The following RCSD1 variants were observed in gnomAD, a reference collection of about 807,000 sequenced individuals.
RCSD1 encodes capZ-interacting protein.
A neutral mutation model predicts 42.5 loss-of-function variants in RCSD1; 26 were observed. The observed-to-expected ratio is 0.61, with a 90% CI of 0.45 to 0.85. RCSD1 has a LOEUF of 0.85. RCSD1 is among the 40% of genes least tolerant of loss of function. RCSD1 has a pLI of 0.00. For missense variants in RCSD1, 571 were observed against 528.3 expected (o/e 1.08, Z -0.79); for synonymous variants, 220 against 212.2 (o/e 1.04, Z -0.32).
chr1:167,637,861 T>C (rs929819594), intron 1 of RCSD1, among the ~76,000 whole-genome samples: 24 of 152,234 alleles, frequency 1.6e-4, no homozygotes, highest in African/African-American at 5.5e-4. Flanking sequence ...TCAGCGTTTC[T>C]CCTGCTTGCC....
At chr1:167,689,128 C>T (rs1246269415) in intron 3 of RCSD1, among the ~76,000 whole-genome samples, 1 of 152,108 alleles carries the variant, frequency 6.6e-6, no homozygotes, top group Non-Finnish European at 1.5e-5. Context: ...GAATCATGCT[C>T]ATCTTTGTAT....
At chr1:167,693,769 G>T (rs1659432058) in intron 4 of RCSD1, among the ~76,000 whole-genome samples, 1 of 152,312 alleles carries the variant, frequency 6.6e-6, no homozygotes. Flanking sequence ...GTGAGATCCT[G>T]GTGCCACAGG....
chr1:167,653,188 A>T (rs751811852), intron 1 of RCSD1, among the ~76,000 whole-genome samples: 1 of 152,226 alleles, frequency 6.6e-6, no homozygotes, highest in African/African-American at 2.4e-5. Context: ...TGTCAATGTC[A>T]TGTGTCTTCC....
At chr1:167,691,058 C>T (rs999756134) in intron 4 of RCSD1, among the ~76,000 whole-genome samples, 10 of 152,176 alleles carry the variant, frequency 6.6e-5, no homozygotes, top group African/African-American at 2.2e-4. Context: ...GGTCACTGCC[C>T]GGCTCCTGCT....
intron 6 of RCSD1, among the ~76,000 whole-genome samples, chr1:167,698,492 A>G (rs1659554641): frequency 6.6e-6 from 1 of 152,198 alleles, no homozygotes; most frequent in African/African-American, 2.4e-5. Context: ...TCTGCTGCAC[A>G]TGAGGAGGAC....
At chr1:167,637,328 G>A (rs577784228) in intron 1 of RCSD1, among the ~76,000 whole-genome samples, 3 of 152,320 alleles carry the variant, frequency 2.0e-5, no homozygotes, top group African/African-American at 7.2e-5. Flanking sequence ...GTAAGTTGCA[G>A]TTCCTGCCCT....
chr1:167,704,661 C>T lies in RCSD1; in HGVS notation c.1219-3C>T. 1 of 1,612,522 alleles carries T rather than the reference C, an allele frequency of 6.2e-7. No homozygotes were observed. On this transcript the variant is annotated splice_polypyrimidine_tract_variant and splice_region_variant and intron_variant, in intron 6 of 6. Coordinates refer to ENST00000367854, the MANE Select transcript of RCSD1 (RefSeq NM_052862.4). ...AATTAATTCTTTCCTCCCCTGTTCA[C>T]AGGATGACACTCCTGTCCAGGACAC...
rs1659719342 is a variant in RCSD1, at chr1:167,704,833, C to G, written c.*137C>G. On this transcript the variant is annotated 3_prime_UTR_variant, in exon 7 of 7. Transcript: ENST00000367854. Reference sequence around the variant, plus strand: ...AGTGTCTGGAGTCAGCCTGAAGACACAGGGTGGATTATTTCCTGGCCTCCA... The same window carrying G: ...AGTGTCTGGAGTCAGCCTGAAGACAGAGGGTGGATTATTTCCTGGCCTCCA... The G allele has an allele frequency of 1.2e-6, 1 of 804,320 alleles. No individual in the cohort carries two copies. The highest frequency in any genetic ancestry group is 1.7e-5 in the African/African-American group (1 of 58,894). 49.8% of individuals were successfully genotyped at this position (804,320 alleles called of 1,614,324 possible).
intron 1 of RCSD1, chr1:167,664,274 G>A (rs1444298694): frequency 6.6e-6 from 1 of 152,238 alleles, no homozygotes; most frequent in African/African-American, 2.4e-5. Context: ...GGACAGGAGT[G>A]GCTGGATGTG....
chr1:167,646,180 G>A (rs1313727656), intron 1 of RCSD1, among the ~76,000 whole-genome samples: 3 of 152,206 alleles, frequency 2.0e-5, no homozygotes, highest in African/African-American at 4.8e-5. Context: ...GGGTGCGGAA[G>A]AGGCTGAGTT....
intron 4 of RCSD1, among the ~76,000 whole-genome samples, chr1:167,691,476 A>G (rs2101715870): frequency 6.6e-6 from 1 of 152,356 alleles, no homozygotes. Context: ...TGTTATGTCC[A>G]GGTGGGGGCT....
In RCSD1 at chr1:167,707,214, G is replaced by A. The variant is rs541549091; in HGVS notation, c.*2518G>A. The stretch of plus-strand genomic sequence containing the variant: ...GGCCTCAGAACTCCAGGCCCCTCAC[G>A]GAGATCACCCTGAACAATGCCCAGT... On this transcript the variant is annotated 3_prime_UTR_variant, in exon 7 of 7. Transcript: ENST00000367854. 5.3e-5 allele frequency among the ~76,000 whole-genome samples: 8 copies of A among 152,284 alleles called. No homozygotes were observed. The highest frequency in any genetic ancestry group is 2.6e-4 in the Admixed American group (4 of 15,298).
chr1:167,701,055 A>T (rs1659625111), intron 6 of RCSD1, among the ~76,000 whole-genome samples: 1 of 152,146 alleles, frequency 6.6e-6, no homozygotes, highest in Non-Finnish European at 1.5e-5. Flanking sequence ...AAGCCTTGCC[A>T]CTTCCGTATT....
intron 6 of RCSD1, among the ~76,000 whole-genome samples, chr1:167,698,862 G>T (rs6692908): frequency 1.3e-5 from 2 of 151,240 alleles, no homozygotes; most frequent in Non-Finnish European, 3.0e-5. Flanking sequence ...TGCAGTGGCG[G>T]GATCTCGGCT....
chr1:167,688,172 T>C (rs1388769658), intron 3 of RCSD1, among the ~76,000 whole-genome samples: 1 of 152,100 alleles, frequency 6.6e-6, no homozygotes, highest in Non-Finnish European at 1.5e-5. Context: ...TTCAAATCAA[T>C]AGGGTTTTAT....
rs376910996 is a variant in RCSD1 at position 167,694,220 on chromosome 1, G to T, written c.392G>T (p.Arg131Leu). 2.5e-6 allele frequency: 4 copies of T among 1,614,084 alleles called. No individual in the cohort carries two copies. The highest frequency in any genetic ancestry group is 1.7e-5 in the Admixed American group (1 of 60,004). The change falls in exon 5 of 7, where the codon CGA becomes CTA. Residue 131 changes from arginine (R) to leucine (L), a missense_variant. Physicochemically the swap from Arg to Leu is moderately radical, Grantham distance 102. Transcript: ENST00000367854. ...PPSTPSSPGV[R>L]SRPSEAEEVP... ...TCTACCCCCAGCAGCCCTGGTGTGC[G>T]ATCTAGGCCCAGCGAGGCAGAGGAG...
At chr1:167,638,066 C>G (rs891225582) in intron 1 of RCSD1, among the ~76,000 whole-genome samples, 1 of 152,180 alleles carries the variant, frequency 6.6e-6, no homozygotes, top group South Asian at 2.1e-4. Flanking sequence ...TGAGCCTCCC[C>G]GCTAGACCCT....
At chr1:167,661,603 T>C (rs1174819222) in intron 1 of RCSD1, among the ~76,000 whole-genome samples, 1 of 152,228 alleles carries the variant, frequency 6.6e-6, no homozygotes, top group Admixed American at 6.5e-5. Context: ...GCAGCCACCA[T>C]CCTGGGCTCC....
intron 2 of RCSD1, 103 bp from the exon 3 acceptor site, chr1:167,685,318 C>T: frequency 1.2e-6 from 1 of 853,284 alleles, no homozygotes; most frequent in Non-Finnish European, 1.8e-6. Context: ...TCCTAAATCC[C>T]TAAACCTTCC....
Sources: gnomAD v4.1 joint callset for allele counts (sites outside exome capture counted in the v4.1 genomes callset) on GRCh38, gnomAD v4.1.1 for gene constraint, MANE v1.5 for transcripts, NCBI Gene and HGNC (gene_info 2026-07-23, HGNC 2026-07-21) for gene names.